TSEN2: variants seen among roughly 807,000 people sequenced by gnomAD.
The protein encoded by TSEN2 is tRNA splicing endonuclease subunit 2.
In TSEN2, 54 loss-of-function variants were observed where a neutral mutation model predicts 59.2. The ratio of observed to expected loss-of-function variants is 0.91; its 90% CI spans 0.73 to 1.14. The LOEUF (loss-of-function observed/expected upper bound fraction) is 1.14, where lower values mean the gene tolerates loss of function less well. TSEN2 is among the 50% of genes most tolerant of loss of function. The pLI is 0.00. For missense variants in TSEN2, 636 were observed against 576.2 expected, an observed-to-expected ratio of 1.10 and a Z score of -1.06; for synonymous variants, 195 against 198.2, an observed-to-expected ratio of 0.98 and a Z score of 0.14.
Position 12,505,387 on chromosome 3 carries a change from T to A in TSEN2, c.909+156T>A. 4 of 651,778 alleles carry A rather than the reference T, an allele frequency of 6.1e-6. No homozygotes were observed. The Admixed American group carries it at 9.2e-5, about 15-fold the overall frequency. The allele number at this position is 651,778 out of a possible 1,614,324, so 40.4% of individuals were successfully genotyped here. ...ACTATGGGTAGCTCCCAAGTAGGCC[T>A]GCCTTTCACTCCTCAGCCTTTATTT... is the stretch of plus-strand genomic sequence containing the variant. On this transcript the variant is annotated intron_variant, in intron 6 of 11. Transcript: ENST00000284995.
intron 4 of TSEN2, among the ~76,000 whole-genome samples, chr3:12,499,534 G>A (rs2054082081): frequency 6.6e-6 from 1 of 152,206 alleles, no homozygotes; most frequent in Non-Finnish European, 1.5e-5. Flanking sequence ...GAGCTTGCCT[G>A]CATTACCTCC....
chr3:12,499,691 C>G (rs1258546770), intron 4 of TSEN2, among the ~76,000 whole-genome samples: 1 of 152,202 alleles, frequency 6.6e-6, no homozygotes, highest in Non-Finnish European at 1.5e-5. Flanking sequence ...GGTGTGCACA[C>G]CAGCACTCCC....
intron 1 of TSEN2, among the ~76,000 whole-genome samples, chr3:12,488,887 C>G (rs964812770): frequency 2.6e-5 from 4 of 152,326 alleles, no homozygotes; most frequent in Non-Finnish European, 1.5e-5. Context: ...CCACCACACT[C>G]GGGGTCGTCT....
intron 8 of TSEN2, among the ~76,000 whole-genome samples, chr3:12,519,795 T>C (rs2056477481): frequency 6.6e-6 from 1 of 152,114 alleles, no homozygotes; most frequent in South Asian, 2.1e-4. Flanking sequence ...CCCACGTCTC[T>C]AGCCATGAGA....
At chr3:12,529,398 G>A (rs554302991) in intron 9 of TSEN2, among the ~76,000 whole-genome samples, 13 of 151,774 alleles carry the variant, frequency 8.6e-5, no homozygotes, top group Admixed American at 5.2e-4. Context: ...CCCAGGAGGC[G>A]GAGGTTGCGG....
At chr3:12,534,005 G>T (rs1344932017), downstream of TSEN2, among the ~76,000 whole-genome samples, 1 of 152,132 alleles carries the variant, frequency 6.6e-6, no homozygotes, top group Non-Finnish European at 1.5e-5. Flanking sequence ...AGATGTTGGC[G>T]GGTGTGCATC....
chr3:12,518,936 T>G, intron 7 of TSEN2, 123 bp from the exon 8 acceptor site: 1 of 953,666 alleles, frequency 1.0e-6, no homozygotes, highest in Middle Eastern at 3.2e-4. Flanking sequence ...ATTGCTCTGC[T>G]GGGGGAACTG....
intron 2 of TSEN2, 87 bp from the exon 3 acceptor site, chr3:12,492,049 G>T: frequency 8.7e-7 from 1 of 1,149,288 alleles, no homozygotes; most frequent in South Asian, 1.3e-5. Context: ...GCCCCCTGTG[G>T]ATACTGAGGG....
chr3:12,483,842 G>A (rs1013626635), upstream of TSEN2, among the ~76,000 whole-genome samples: 1 of 152,154 alleles, frequency 6.6e-6, no homozygotes, highest in African/African-American at 2.4e-5. Context: ...CTCATCTCCC[G>A]TAATTCTGAT....
chr3:12,527,532 C>G (rs2057186962), intron 8 of TSEN2, among the ~76,000 whole-genome samples: 1 of 150,560 alleles, frequency 6.6e-6, no homozygotes, highest in Non-Finnish European at 1.5e-5. Flanking sequence ...CGGCTCACTG[C>G]AAGCTCCGCC....
chr3:12,518,195 T>A (rs986393952), intron 7 of TSEN2, among the ~76,000 whole-genome samples: 1 of 152,258 alleles, frequency 6.6e-6, no homozygotes, highest in African/African-American at 2.4e-5. Flanking sequence ...AATTGTCTTT[T>A]AAGCAGTTAA....
intron 6 of TSEN2, among the ~76,000 whole-genome samples, chr3:12,513,583 C>T (rs2055729611): frequency 6.6e-6 from 1 of 152,130 alleles, no homozygotes; most frequent in Non-Finnish European, 1.5e-5. Context: ...CTTCCAAGGC[C>T]CTAGCTAACA....
At chr3:12,511,495 CAT>C (rs1238451071) in intron 6 of TSEN2, among the ~76,000 whole-genome samples, 2 of 150,596 alleles carry the variant, frequency 1.3e-5, no homozygotes, top group East Asian at 3.9e-4. Context: ...CATCTCCTAA[CAT>C]AAACCAAAAT....
intron 1 of TSEN2, among the ~76,000 whole-genome samples, chr3:12,485,328 GCCT>G (rs1222479408): frequency 2.0e-5 from 3 of 152,220 alleles, no homozygotes; most frequent in Non-Finnish European, 4.4e-5. Flanking sequence ...AGAGGTGTTA[GCCT>G]GTGTGCTCGA....
At chr3:12,482,234 G>T (rs2052201510), upstream of TSEN2, among the ~76,000 whole-genome samples, 1 of 152,134 alleles carries the variant, frequency 6.6e-6, no homozygotes. Flanking sequence ...CAATTCTCTT[G>T]CCTCAGCCTC....
intron 6 of TSEN2, among the ~76,000 whole-genome samples, chr3:12,512,915 G>A (rs2055634546): frequency 6.6e-6 from 1 of 152,170 alleles, no homozygotes; most frequent in Non-Finnish European, 1.5e-5. Flanking sequence ...ACTACATTTA[G>A]CAGTATGATG....
At chr3:12,535,097 A>G (rs913209060), downstream of TSEN2, among the ~76,000 whole-genome samples, 1 of 152,118 alleles carries the variant, frequency 6.6e-6, no homozygotes, top group Non-Finnish European at 1.5e-5. Context: ...CTCTTTTTTT[A>G]AGAAAAAAAA....
In TSEN2 at chr3:12,519,267, G is replaced by A; in HGVS notation, c.1099+70G>A. 3 of 1,579,024 alleles carry A rather than the reference G, an allele frequency of 1.9e-6. No individual in the cohort carries two copies. In the South Asian group the frequency reaches 3.3e-5, roughly 18 times the overall value. On this transcript the variant is annotated intron_variant, in intron 8 of 11. Transcript: ENST00000284995. ...CAGATTCACCCTAGAATATCAAATT[G>A]ATCTTGTGTGCTGTTGATGATGTTT...
chr3:12,510,266 C>G (rs1025900517), intron 6 of TSEN2, among the ~76,000 whole-genome samples: 2 of 152,154 alleles, frequency 1.3e-5, no homozygotes, highest in South Asian at 4.1e-4. Flanking sequence ...CACCAGACTC[C>G]CCATTTGCTG....
Sources: gnomAD v4.1 joint callset for allele counts (sites outside exome capture counted in the v4.1 genomes callset) on GRCh38, gnomAD v4.1.1 for gene constraint, MANE v1.5 for transcripts, NCBI Gene and HGNC (gene_info 2026-07-23, HGNC 2026-07-21) for gene names.